The following CD38 variants were observed in gnomAD, a reference collection of about 807,000 sequenced individuals.
CD38 encodes ADP-ribosyl cyclase/cyclic ADP-ribose hydrolase 1.
A neutral mutation model predicts 36.3 loss-of-function variants in CD38; 31 were observed. That is an observed-to-expected ratio of 0.85 (90% CI 0.64 to 1.15). The LOEUF is 1.15. CD38 is among the 50% of genes most tolerant of loss of function. CD38 has a pLI of 0.00. For synonymous variants in CD38, 131 were observed against 135.2 expected (o/e 0.97, Z 0.22); for missense variants, 380 against 371.9 (o/e 1.02, Z -0.18).
chr4:15,842,039 G>C (rs1234761740), intron 7 of CD38, among the ~76,000 whole-genome samples: 3 of 140,546 alleles, frequency 2.1e-5, no homozygotes, highest in East Asian at 2.1e-4. Context: ...CAGGAAGCTC[G>C]AACTGGGTGG....
chr4:15,835,411 T>C (rs1403444528), intron 4 of CD38, among the ~76,000 whole-genome samples: 1 of 132,074 alleles, frequency 7.6e-6, no homozygotes, highest in Non-Finnish European at 1.6e-5. Context: ...GGAGTCTTGC[T>C]CTGTCACCCA....
chr4:15,779,705 G>A (rs1722649579), intron 1 of CD38, among the ~76,000 whole-genome samples: 1 of 152,006 alleles, frequency 6.6e-6, no homozygotes, highest in Non-Finnish European at 1.5e-5. Context: ...ACTTAATGGA[G>A]AGAGAAACTA....
chr4:15,816,381 C>T lies in CD38; in HGVS notation c.234-130C>T, dbSNP rs563870222. The T allele has an allele frequency of 2.9e-4, 196 of 676,406 alleles. 1 individual carries two copies. The highest frequency in any genetic ancestry group is 2.6e-3 in the African/African-American group (143 of 55,048). The allele number at this position is 676,406 out of a possible 1,614,324, so 41.9% of individuals were successfully genotyped here. ...TACCCCTGGTAGACTGCATGTTAGA[C>T]GAGATAATATGTATGAACTACCTGG... On this transcript the variant is annotated intron_variant, in intron 1 of 7. Coordinates refer to ENST00000226279, the MANE Select transcript of CD38 (RefSeq NM_001775.4).
At chr4:15,824,681 AACAC>A (rs3832313) in intron 2 of CD38, among the ~76,000 whole-genome samples, 196 bp from the exon 3 acceptor site, 22,221 of 150,598 alleles carry the variant, frequency 0.15, 2,203 homozygotes, top group African/African-American at 0.29. Flanking sequence ...TGTGACCTAG[AACAC>A]ACACACACAC....
At chr4:15,808,786 G>C (rs1409472360) in intron 1 of CD38, among the ~76,000 whole-genome samples, 1 of 152,178 alleles carries the variant, frequency 6.6e-6, no homozygotes, top group East Asian at 1.9e-4. Context: ...CTGGCCCTAC[G>C]GTAACTATTT....
chr4:15,832,987 A>T (rs937278386), intron 3 of CD38, among the ~76,000 whole-genome samples: 5 of 152,208 alleles, frequency 3.3e-5, no homozygotes, highest in African/African-American at 1.2e-4. Context: ...AAGGCAAAGG[A>T]GCCTCACCTC....
intron 2 of CD38, among the ~76,000 whole-genome samples, chr4:15,819,806 G>T (rs773291499): frequency 6.6e-6 from 1 of 152,162 alleles, no homozygotes; most frequent in Non-Finnish European, 1.5e-5. Context: ...ATGAAACCAC[G>T]TTGGAAAACA....
In CD38 at chr4:15,840,098, T is replaced by C; in HGVS notation, c.732T>C (p.His244=). The C allele has an allele frequency of 1.2e-6, 2 of 1,611,114 alleles. No individual in the cohort carries two copies. Among genetic ancestry groups the C allele is most frequent in the Non-Finnish European group, 1.7e-6 (2 of 1,177,270 alleles). ...KVQTLEAWVI[H]GGREDSRDLC... ...AGACACTAGAGGCCTGGGTGATACATGGTGGAAGAGAAGATTCCAGGTATA... is the reference window on the plus strand; with the variant it reads ...AGACACTAGAGGCCTGGGTGATACACGGTGGAAGAGAAGATTCCAGGTATA... Residue 244 remains histidine, a synonymous_variant, in exon 6 of 8, where the codon CAT becomes CAC. Transcript: ENST00000226279.
chr4:15,836,416 T>C (rs899825540), intron 4 of CD38, among the ~76,000 whole-genome samples: 5 of 152,228 alleles, frequency 3.3e-5, no homozygotes, highest in African/African-American at 1.2e-4. Flanking sequence ...TCACTACTTA[T>C]TACCATCACA....
In CD38 at chr4:15,852,012, C is replaced by T. The variant is rs1039154986; in HGVS notation, c.*3410C>T. The T allele has an allele frequency of 1.3e-5, 2 of 152,306 alleles. No homozygotes were observed. Among genetic ancestry groups the T allele is most frequent in the Non-Finnish European group, 2.9e-5 (2 of 68,022 alleles). 9.4% of individuals were successfully genotyped at this position (152,306 alleles called of 1,614,324 possible). On this transcript the variant is annotated 3_prime_UTR_variant, in exon 8 of 8. Coordinates refer to ENST00000226279, the MANE Select transcript of CD38 (RefSeq NM_001775.4). ...CATGCAGTATTATAATCTTATGAGA[C>T]CGTCATCATATATGTGGTCCACTGT...
chr4:15,819,017 T>C (rs181699084), intron 2 of CD38, among the ~76,000 whole-genome samples: 6 of 152,232 alleles, frequency 3.9e-5, no homozygotes, highest in African/African-American at 1.4e-4. Flanking sequence ...TAAAAAGAGA[T>C]GAGTTCATGT....
At chr4:15,812,425 C>T (rs745794846) in intron 1 of CD38, among the ~76,000 whole-genome samples, 7 of 152,124 alleles carry the variant, frequency 4.6e-5, no homozygotes, top group Non-Finnish European at 7.3e-5. Context: ...TGGCCGGGCA[C>T]GGTGGCTCAC....
chr4:15,814,869 C>T (rs975300073), intron 1 of CD38, among the ~76,000 whole-genome samples: 16 of 151,282 alleles, frequency 1.1e-4, no homozygotes, highest in African/African-American at 3.6e-4. Context: ...TGCAGTGGCA[C>T]GATCTCGGCT....
At position 15,852,809 on chromosome 4, in the gene CD38, C is replaced by CTT. The variant is rs11303312; in HGVS notation, c.*4224_*4225dup. On this transcript the variant is annotated 3_prime_UTR_variant, in exon 8 of 8. Coordinates refer to ENST00000226279, the MANE Select transcript of CD38 (RefSeq NM_001775.4). ...ACTATTCCCTAACGGGGCATTTATT[C>CTT]TTTTTTTTTTTTTTTTTTGGGAGAC... The CTT allele has an allele frequency of 0.24, 30,520 of 125,468 alleles. 3,488 individuals are homozygous for CTT. The highest frequency in any genetic ancestry group is 0.31 in the Middle Eastern group (72 of 232). 7.8% of individuals were successfully genotyped at this position (125,468 alleles called of 1,614,324 possible).
chr4:15,785,125 G>A (rs1013847390), intron 1 of CD38, among the ~76,000 whole-genome samples: 11 of 152,040 alleles, frequency 7.2e-5, no homozygotes, highest in Non-Finnish European at 7.4e-5. Flanking sequence ...AGGCCTTCCA[G>A]GTGTGGGGCC....
At chr4:15,797,619 A>G (rs553166855) in intron 1 of CD38, among the ~76,000 whole-genome samples, 10 of 152,284 alleles carry the variant, frequency 6.6e-5, no homozygotes, top group African/African-American at 2.4e-4. Flanking sequence ...ACTGTCTCAC[A>G]GTTCTGGAGG....
chr4:15,787,258 C>T (rs920823919), intron 1 of CD38, among the ~76,000 whole-genome samples: 1 of 152,244 alleles, frequency 6.6e-6, no homozygotes, highest in Non-Finnish European at 1.5e-5. Context: ...GTTGTCTCCT[C>T]TCATTAGGGT....
At chr4:15,806,625 T>C (rs920068755) in intron 1 of CD38, among the ~76,000 whole-genome samples, 1 of 152,066 alleles carries the variant, frequency 6.6e-6, no homozygotes, top group Non-Finnish European at 1.5e-5. Flanking sequence ...TCAATCCACC[T>C]TGGGTAGGTC....
At position 15,838,162 on chromosome 4, in the gene CD38, A is replaced by G. The variant is rs778637217; in HGVS notation, c.656A>G (p.Asn219Ser). 7 of 1,608,130 alleles carry G rather than the reference A, an allele frequency of 4.4e-6. No individual in the cohort carries two copies. The highest frequency in any genetic ancestry group is 8.5e-7 in the Non-Finnish European group (1 of 1,174,772). The change falls in exon 5 of 8, where the codon AAC becomes AGC. Residue 219 changes from asparagine (N) to serine (S), a missense_variant. Physicochemically the swap from Asn to Ser is conservative, Grantham distance 46. Transcript: ENST00000226279. The stretch of plus-strand genomic sequence containing the variant: ...TCCCGCAGTAAAATCTTTGACAAAA[A>G]CAGGTACACATTTATTTTGCATCCT... The part of the protein sequence containing the change: ...NGSRSKIFDK[N>S]STFGSVEVHN...
Sources: gnomAD v4.1 joint callset for allele counts (sites outside exome capture counted in the v4.1 genomes callset) on GRCh38, gnomAD v4.1.1 for gene constraint, MANE v1.5 for transcripts, NCBI Gene and HGNC (gene_info 2026-07-23, HGNC 2026-07-21) for gene names.